The following NFASC variants were observed in gnomAD, a reference collection of about 807,000 sequenced individuals.
NFASC encodes the protein neurofascin, also known as neurofascin homolog.
Under a neutral mutation model 147.5 loss-of-function variants are expected in NFASC, and 43 were observed. The observed-to-expected ratio is 0.29, with a 90% confidence interval of 0.23 to 0.38. The LOEUF is 0.38. Ranked by LOEUF, NFASC falls within the 10% of genes least tolerant of loss-of-function variation. NFASC has a pLI of 1.00. For synonymous variants in NFASC, 622 were observed against 665.5 expected (o/e 0.93, Z 1.01); for missense variants, 1,320 against 1,689.0 (o/e 0.78, Z 3.83).
chr1:204,868,090 C>T (rs886913360), intron 1 of NFASC, among the ~76,000 whole-genome samples: 11 of 152,234 alleles, frequency 7.2e-5, no homozygotes, highest in Non-Finnish European at 1.2e-4. Flanking sequence ...TCACTTTCCA[C>T]GCTGGGAAAT....
chr1:204,879,942 G>T (rs74138646), intron 1 of NFASC, among the ~76,000 whole-genome samples: 2,154 of 152,288 alleles, frequency 0.014, 43 homozygotes, highest in African/African-American at 0.049. Flanking sequence ...TGGGCTCTCG[G>T]CTGTGGGCAC....
chr1:204,849,029 C>T (rs1015570333), intron 1 of NFASC, among the ~76,000 whole-genome samples: 4 of 152,202 alleles, frequency 2.6e-5, no homozygotes, highest in African/African-American at 7.2e-5. Flanking sequence ...ACCAGTTGGC[C>T]TAAGTGAATT....
chr1:204,866,191 C>G (rs567553470), intron 1 of NFASC, among the ~76,000 whole-genome samples: 4 of 152,294 alleles, frequency 2.6e-5, no homozygotes, highest in African/African-American at 9.6e-5. Flanking sequence ...GAGGCTGGAG[C>G]TCTGGCTGGT....
chr1:204,976,599 G>C, intron 15 of NFASC, 72 bp from the exon 16 acceptor site: 2 of 1,184,706 alleles, frequency 1.7e-6, no homozygotes, highest in Admixed American at 3.9e-5. Flanking sequence ...ACCCCCTCTA[G>C]GGAGAAAGCA....
chr1:205,011,868 C>T (rs763972804), intron 28 of NFASC, among the ~76,000 whole-genome samples: 75 of 152,116 alleles, frequency 4.9e-4, no homozygotes, highest in Non-Finnish European at 2.9e-5. Flanking sequence ...CACCTGAGGT[C>T]GGGAGTTCAA....
At chr1:204,895,211 T>A (rs1464976650) in intron 1 of NFASC, among the ~76,000 whole-genome samples, 1 of 152,162 alleles carries the variant, frequency 6.6e-6, no homozygotes, top group African/African-American at 2.4e-5. Context: ...TTATTATTGC[T>A]CACACCACAA....
chr1:204,997,564 A>G (rs1169167928), intron 25 of NFASC, 158 bp downstream of exon 25: 2 of 794,112 alleles, frequency 2.5e-6, no homozygotes, highest in African/African-American at 1.7e-5. Flanking sequence ...CCGTGACTGG[A>G]TGCTCAGTCC....
At chr1:204,861,524 C>T (rs182966869) in intron 1 of NFASC, among the ~76,000 whole-genome samples, 4 of 152,330 alleles carry the variant, frequency 2.6e-5, no homozygotes, top group African/African-American at 7.2e-5. Context: ...GAGTCTCGCT[C>T]TGTTGCCCAA....
At chr1:205,002,466 T>C in intron 26 of NFASC, 130 bp from the exon 27 acceptor site, 2 of 638,320 alleles carry the variant, frequency 3.1e-6, no homozygotes, top group Non-Finnish European at 4.9e-6. Context: ...GTCTGTATGG[T>C]GGACTGGACC....
intron 2 of NFASC, among the ~76,000 whole-genome samples, chr1:204,929,941 T>C (rs1203800305): frequency 6.6e-6 from 1 of 152,184 alleles, no homozygotes; most frequent in East Asian, 1.9e-4. Context: ...ATCTGTTGCA[T>C]CGTTCCTTCC....
At chr1:204,983,108 C>G (rs114352206) in intron 21 of NFASC, among the ~76,000 whole-genome samples, 1,699 of 152,284 alleles carry the variant, frequency 0.011, 30 homozygotes, top group African/African-American at 0.039. Flanking sequence ...GGCATCTGGT[C>G]ATGGATTTTA....
intron 2 of NFASC, among the ~76,000 whole-genome samples, chr1:204,941,921 G>C (rs942590977): frequency 1.3e-5 from 2 of 152,072 alleles, no homozygotes; most frequent in Admixed American, 6.5e-5. Flanking sequence ...TGCGCCGCCT[G>C]GTGGTTTTCT....
intron 27 of NFASC, among the ~76,000 whole-genome samples, chr1:205,006,419 A>ATGG (rs2096113475): frequency 6.6e-6 from 1 of 152,152 alleles, no homozygotes; most frequent in African/African-American, 2.4e-5. Flanking sequence ...GAGTTTGGAG[A>ATGG]TGGTGTGAGT....
Position 204,836,415 on chromosome 1 carries a change from G to A in NFASC, c.-200+7633G>A, listed in dbSNP as rs551232154. Among the ~76,000 whole-genome samples, 52 of 152,262 alleles carry A rather than the reference G, an allele frequency of 3.4e-4. No homozygotes were observed. The South Asian group carries it at 8.3e-3, about 24-fold the overall frequency. ...ATTTTGACAGAAGGTGTAATATTGA[G>A]GTAAAATTTTAAGTCTGTCTCCCTG... On this transcript the variant is annotated intron_variant, in intron 1 of 29. Transcript: ENST00000339876.
At chr1:204,943,900 A>G (rs972395105) in intron 2 of NFASC, among the ~76,000 whole-genome samples, 1 of 152,180 alleles carries the variant, frequency 6.6e-6, no homozygotes, top group Non-Finnish European at 1.5e-5. Context: ...AGTGGTTTTC[A>G]GCTGGGAGTT....
intron 1 of NFASC, 81 bp from the exon 2 acceptor site, chr1:204,920,551 A>G: frequency 1.6e-6 from 1 of 611,228 alleles, no homozygotes; most frequent in Non-Finnish European, 2.6e-6. Context: ...TGAATGAGCA[A>G]GCTGCAAACC....
chr1:204,950,255 TG>T (rs974743220), intron 3 of NFASC, among the ~76,000 whole-genome samples: 16 of 152,344 alleles, frequency 1.1e-4, no homozygotes, highest in African/African-American at 3.8e-4. Context: ...TGGGGACATG[TG>T]GACTTCCTGG....
intron 11 of NFASC, among the ~76,000 whole-genome samples, chr1:204,972,499 A>G (rs2095290738): frequency 6.6e-6 from 1 of 152,202 alleles, no homozygotes; most frequent in Non-Finnish European, 1.5e-5. Context: ...CAGATCCCAG[A>G]GTGAAGTGTG....
chr1:204,998,671 T>C (rs1022905696), intron 25 of NFASC: 1 of 152,226 alleles, frequency 6.6e-6, no homozygotes, highest in African/African-American at 2.4e-5. Flanking sequence ...TATTAGAAGC[T>C]GCCACCAGCG....
Sources: gnomAD v4.1 joint callset for allele counts (sites outside exome capture counted in the v4.1 genomes callset) on GRCh38, gnomAD v4.1.1 for gene constraint, MANE v1.5 for transcripts, NCBI Gene and HGNC (gene_info 2026-07-23, HGNC 2026-07-21) for gene names.